The following DPYD variants were observed in gnomAD, a reference collection of about 807,000 sequenced individuals.
DPYD encodes the protein dihydropyrimidine dehydrogenase [NADP(+)].
In DPYD, 109 loss-of-function variants were observed where a neutral mutation model predicts 116.2. The ratio of observed to expected loss-of-function variants is 0.94; its 90% CI spans 0.80 to 1.10. The LOEUF is 1.10. Ranked by LOEUF, DPYD falls within the 50% of genes least tolerant of loss-of-function variation. The probability of loss-of-function intolerance (pLI) is 0.00; values close to 1 mark genes in which losing one functional copy is unlikely to be tolerated. For synonymous variants in DPYD, 440 were observed against 432.0 expected, an observed-to-expected ratio of 1.02 and a Z score of -0.23; for missense variants, 1,302 against 1,254.5, an observed-to-expected ratio of 1.04 and a Z score of -0.57.
At chr1:97,480,603 T>A (rs1282626837) in intron 13 of DPYD, among the ~76,000 whole-genome samples, 1 of 152,204 alleles carries the variant, frequency 6.6e-6, no homozygotes. Context: ...AATTGCTGAA[T>A]TTCATCAAAA....
intron 2 of DPYD, among the ~76,000 whole-genome samples, chr1:97,853,596 C>A (rs148915062): frequency 7.9e-5 from 12 of 152,252 alleles, no homozygotes; most frequent in Admixed American, 2.6e-4. Context: ...TCTATTAAAC[C>A]ATATGAATAA....
At chr1:97,916,941 T>C (rs1674245385) in intron 1 of DPYD, among the ~76,000 whole-genome samples, 1 of 152,100 alleles carries the variant, frequency 6.6e-6, no homozygotes, top group Admixed American at 6.5e-5. Context: ...AATCAGTGAC[T>C]CCTCAAATCA....
At chr1:97,401,086 T>C (rs1023013039) in intron 14 of DPYD, among the ~76,000 whole-genome samples, 1 of 152,158 alleles carries the variant, frequency 6.6e-6, no homozygotes, top group Admixed American at 6.6e-5. Context: ...CCTTTTCATA[T>C]GCTTATCTGC....
intron 20 of DPYD, among the ~76,000 whole-genome samples, chr1:97,106,405 G>C (rs986507436): frequency 1.3e-5 from 2 of 152,120 alleles, no homozygotes; most frequent in African/African-American, 4.8e-5. Context: ...AAGAAAATAC[G>C]CCCTGAGTAA....
chr1:97,407,762 C>T (rs984070672), intron 14 of DPYD, among the ~76,000 whole-genome samples: 1 of 152,144 alleles, frequency 6.6e-6, no homozygotes, highest in East Asian at 1.9e-4. Context: ...CTCACCATCA[C>T]CCTTAGTGAC....
intron 8 of DPYD, among the ~76,000 whole-genome samples, chr1:97,611,364 T>C (rs916965889): frequency 6.6e-6 from 1 of 152,030 alleles, no homozygotes; most frequent in Non-Finnish European, 1.5e-5. Context: ...ATGGGAGCTA[T>C]AAGATGAGAG....
chr1:97,903,188 A>T (rs1012261644), intron 1 of DPYD, among the ~76,000 whole-genome samples: 3 of 151,882 alleles, frequency 2.0e-5, no homozygotes, highest in Non-Finnish European at 2.9e-5. Context: ...TACATCTCTT[A>T]TTTACTACGA....
chr1:97,098,425 T>C, intron 21 of DPYD, 64 bp downstream of exon 21: 1 of 1,562,124 alleles, frequency 6.4e-7, no homozygotes, highest in Non-Finnish European at 8.8e-7. Flanking sequence ...AATAAACATT[T>C]TAACTATATT....
At chr1:97,185,028 A>AAT (rs1657898499) in intron 20 of DPYD, among the ~76,000 whole-genome samples, 1 of 152,154 alleles carries the variant, frequency 6.6e-6, no homozygotes, top group African/African-American at 2.4e-5. Flanking sequence ...ATTTTTGTAG[A>AAT]CGTTTCCTTC....
chr1:97,593,002 T>A (rs538411129), intron 10 of DPYD, among the ~76,000 whole-genome samples: 66 of 152,328 alleles, frequency 4.3e-4, no homozygotes, highest in African/African-American at 1.5e-3. Flanking sequence ...CCTTGAGTAT[T>A]GACAAAGATT....
At chr1:97,755,910 T>C (rs1327915211) in intron 3 of DPYD, among the ~76,000 whole-genome samples, 2 of 152,172 alleles carry the variant, frequency 1.3e-5, no homozygotes, top group Non-Finnish European at 2.9e-5. Context: ...CTAGGAACAA[T>C]GCAGAATACA....
At chr1:97,091,324 A>G (rs372589068) in intron 21 of DPYD, among the ~76,000 whole-genome samples, 7 of 152,202 alleles carry the variant, frequency 4.6e-5, no homozygotes, top group African/African-American at 1.7e-4. Context: ...CAGAGAAAAT[A>G]TTAAGCATGA....
At chr1:97,746,938 G>T (rs865911214) in intron 3 of DPYD, among the ~76,000 whole-genome samples, 1 of 151,240 alleles carries the variant, frequency 6.6e-6, no homozygotes, top group Non-Finnish European at 1.5e-5. Context: ...TGTTAGTGGT[G>T]TGTGTTTTTT....
intron 5 of DPYD, among the ~76,000 whole-genome samples, chr1:97,700,045 GA>G (rs1661510701): frequency 6.6e-6 from 1 of 152,016 alleles, no homozygotes; most frequent in South Asian, 2.1e-4. Context: ...TTAACTTTGG[GA>G]GAATAATGAT....
At chr1:97,671,331 A>G (rs1206961032) in intron 8 of DPYD, among the ~76,000 whole-genome samples, 2 of 152,114 alleles carry the variant, frequency 1.3e-5, no homozygotes, top group Non-Finnish European at 2.9e-5. Context: ...CTCATTAAAT[A>G]CCCTAGCGAG....
At chr1:97,728,952 A>G (rs934548324) in intron 4 of DPYD, among the ~76,000 whole-genome samples, 2 of 149,558 alleles carry the variant, frequency 1.3e-5, no homozygotes, top group African/African-American at 2.5e-5. Flanking sequence ...ATACTCTCAG[A>G]AAAAAAAAAT....
intron 7 of DPYD, among the ~76,000 whole-genome samples, chr1:97,687,509 A>C (rs1418080453): frequency 6.6e-6 from 1 of 152,174 alleles, no homozygotes; most frequent in Admixed American, 6.5e-5. Flanking sequence ...GAGAAATATA[A>C]ATGCTTTTAC....
chr1:97,838,568 G>A lies in DPYD; in HGVS notation c.151-10372C>T, dbSNP rs1225870886. On this transcript the variant is annotated intron_variant, in intron 2 of 22. Coordinates refer to ENST00000370192, the MANE Select transcript of DPYD (RefSeq NM_000110.4). The stretch of plus-strand genomic sequence containing the variant: ...AACTTAAAAATAAAAGAACTTGGCC[G>A]GGCGCGGTGGCTCACGCCTGTAATC... Among the ~76,000 whole-genome samples, 7 of 152,178 alleles carry A rather than the reference G, an allele frequency of 4.6e-5. 1 individual carries two copies. Among genetic ancestry groups the A allele is most frequent in the East Asian group, 3.8e-4 (2 of 5,200 alleles).
At chr1:97,827,064 T>C (rs935882778) in intron 3 of DPYD, among the ~76,000 whole-genome samples, 3 of 152,100 alleles carry the variant, frequency 2.0e-5, no homozygotes, top group Non-Finnish European at 4.4e-5. Flanking sequence ...TAAATTTAAT[T>C]ACTTTCTCCT....
Sources: allele counts gnomAD v4.1 joint callset (sites outside exome capture counted in the v4.1 genomes callset), GRCh38; gene constraint gnomAD v4.1.1; transcripts MANE v1.5; gene names NCBI Gene and HGNC (gene_info 2026-07-23, HGNC 2026-07-21).